MPDZ: variants seen among roughly 807,000 people sequenced by gnomAD.
MPDZ encodes multiple PDZ domain crumbs cell polarity complex component.
In MPDZ, 234 loss-of-function variants were observed where a neutral mutation model predicts 239.1. The ratio of observed to expected loss-of-function variants is 0.98; its 90% confidence interval spans 0.88 to 1.09. The LOEUF (loss-of-function observed/expected upper bound fraction) is 1.09. Ranked by LOEUF, MPDZ falls within the 50% of genes least tolerant of loss-of-function variation. The pLI is 0.00. For synonymous variants in MPDZ, 1,048 were observed against 881.3 expected (o/e 1.19, Z -3.35); for missense variants, 3,175 against 2,510.0 (o/e 1.26, Z -5.66).
chr9:13,245,773 C>A (rs548175994), intron 3 of MPDZ, among the ~76,000 whole-genome samples: 1 of 152,238 alleles, frequency 6.6e-6, no homozygotes, highest in African/African-American at 2.4e-5. Context: ...ACGTGGGACC[C>A]AAATAGTCTC....
chr9:13,277,634 G>A (rs527739627), intron 1 of MPDZ, among the ~76,000 whole-genome samples: 1 of 152,144 alleles, frequency 6.6e-6, no homozygotes, highest in African/African-American at 2.4e-5. Context: ...GCGCGATCTC[G>A]GCTCAATGCA....
intron 4 of MPDZ, 35 bp downstream of exon 4, chr9:13,224,339 G>T: frequency 1.3e-6 from 2 of 1,492,508 alleles, no homozygotes; most frequent in South Asian, 1.2e-5. Context: ...ATTACTACAG[G>T]TATTACAATA....
chr9:13,218,882 T>C (rs1254648936), intron 8 of MPDZ, among the ~76,000 whole-genome samples: 23 of 151,920 alleles, frequency 1.5e-4, no homozygotes, highest in Admixed American at 1.4e-3. Flanking sequence ...TACTTTCCAA[T>C]AATTTTGAAA....
chr9:13,143,357 T>C (rs1947979305), intron 27 of MPDZ, 109 bp downstream of exon 27: 5 of 834,470 alleles, frequency 6.0e-6, no homozygotes, highest in Non-Finnish European at 7.7e-6. Flanking sequence ...TGTTTTTTTT[T>C]CCCTGCCCAA....
intron 19 of MPDZ, among the ~76,000 whole-genome samples, chr9:13,176,668 C>A (rs892433267): frequency 6.6e-6 from 1 of 151,894 alleles, no homozygotes; most frequent in African/African-American, 2.4e-5. Flanking sequence ...TATACTTGTA[C>A]AAGATACTGT....
At chr9:13,201,394 G>GATC (rs908424744) in intron 12 of MPDZ, among the ~76,000 whole-genome samples, 4 of 151,644 alleles carry the variant, frequency 2.6e-5, no homozygotes, top group Admixed American at 6.6e-5. Context: ...GATGTGCCTT[G>GATC]GGGATTTCCT....
chr9:13,209,024 G>T (rs1310590902), intron 10 of MPDZ, among the ~76,000 whole-genome samples: 2 of 152,108 alleles, frequency 1.3e-5, no homozygotes, highest in African/African-American at 4.8e-5. Flanking sequence ...ACTAGAAATG[G>T]TCTGCGCATG....
chr9:13,268,161 T>C (rs1206548277), intron 1 of MPDZ, among the ~76,000 whole-genome samples: 1 of 150,654 alleles, frequency 6.6e-6, no homozygotes, highest in East Asian at 1.9e-4. Context: ...ATTATATATA[T>C]ATATATATAC....
intron 38 of MPDZ, 130 bp downstream of exon 38, chr9:13,121,608 AG>A: frequency 2.3e-6 from 2 of 876,286 alleles, no homozygotes; most frequent in Non-Finnish European, 3.6e-6. Flanking sequence ...TTCCTTAGTG[AG>A]GGGGCTAACA....
chr9:13,196,682 C>G (rs994874890), intron 12 of MPDZ, among the ~76,000 whole-genome samples: 1 of 151,774 alleles, frequency 6.6e-6, no homozygotes, highest in African/African-American at 2.4e-5. Context: ...ATATGTAACT[C>G]CATATATGAG....
chr9:13,133,883 A>T lies in MPDZ; in HGVS notation c.4405T>A (p.Ser1469Thr), dbSNP rs1946372110. 4 of 1,593,248 alleles carry T rather than the reference A, an allele frequency of 2.5e-6. No individual in the cohort carries two copies. In the South Asian group the frequency reaches 4.6e-5, roughly 18 times the overall value. The change falls in exon 32 of 47, where the codon TCT (serine) becomes ACT (threonine). Residue 1469 changes from serine to threonine, a missense_variant. Ser to Thr is a moderately conservative substitution (Grantham distance 58). Transcript: ENST00000319217. ...GAACTGAGGTCCACAGCTGCATCAG[A>T]AGTAGTAACAGTTGGCTCTGTCTGA... ...NKETEPTVTTSDAAVDLSSFK... is the reference protein window; with the variant it reads ...NKETEPTVTTTDAAVDLSSFK...
At chr9:13,241,324 G>T (rs1359098244) in intron 3 of MPDZ, among the ~76,000 whole-genome samples, 2 of 152,102 alleles carry the variant, frequency 1.3e-5, no homozygotes, top group Non-Finnish European at 2.9e-5. Flanking sequence ...ACTATTTCAG[G>T]TGTAAGAAAG....
intron 32 of MPDZ, among the ~76,000 whole-genome samples, chr9:13,128,086 C>T (rs529975216): frequency 2.6e-5 from 4 of 152,260 alleles, no homozygotes; most frequent in Admixed American, 2.0e-4. Context: ...CCTCTCTCTC[C>T]TCCACCTCCA....
chr9:13,120,501 T>C (rs1030805281), intron 38 of MPDZ: 5 of 152,284 alleles, frequency 3.3e-5, no homozygotes, highest in Admixed American at 6.5e-5. Context: ...CCACATCCTA[T>C]AGTAGCCATG....
chr9:13,185,128 C>A (rs1953918781), intron 18 of MPDZ, among the ~76,000 whole-genome samples: 1 of 152,004 alleles, frequency 6.6e-6, no homozygotes, highest in African/African-American at 2.4e-5. Context: ...ATATACTAAG[C>A]TATCTAGTTT....
chr9:13,136,011 G>C (rs1165443579), intron 31 of MPDZ, 81 bp downstream of exon 31: 4 of 922,192 alleles, frequency 4.3e-6, no homozygotes, highest in East Asian at 2.6e-5. Flanking sequence ...CCCTCTCTAA[G>C]TGTTATGTAA....
intron 28 of MPDZ, among the ~76,000 whole-genome samples, chr9:13,138,666 T>C (rs74455568): frequency 0.014 from 2,107 of 152,308 alleles, 31 homozygotes; most frequent in Middle Eastern, 0.051. Context: ...CAACTTGATA[T>C]ATGTAACCCA....
At chr9:13,234,797 G>C (rs1470996055) in intron 3 of MPDZ, among the ~76,000 whole-genome samples, 1 of 132,666 alleles carries the variant, frequency 7.5e-6, no homozygotes, top group African/African-American at 2.8e-5. Context: ...TGTAACAGAC[G>C]CACCTCTTAG....
rs1587870028 is a variant in MPDZ, at chr9:13,216,766, T to C, written c.1290+8A>G. 1.3e-6 allele frequency: 2 copies of C among 1,585,194 alleles called. No homozygotes were observed. The highest frequency in any genetic ancestry group is 8.6e-7 in the Non-Finnish European group (1 of 1,156,882). ...ATTAACAAAGCTATTGTTAAATGTG[T>C]AACTTACTGCTATAATTTGGTCTCC... is the stretch of plus-strand genomic sequence containing the variant. On this transcript the variant is annotated splice_region_variant and intron_variant, in intron 10 of 46. Transcript: ENST00000319217.
Sources: gnomAD v4.1 joint callset for allele counts (sites outside exome capture counted in the v4.1 genomes callset) on GRCh38, gnomAD v4.1.1 for gene constraint, MANE v1.5 for transcripts, NCBI Gene and HGNC (gene_info 2026-07-23, HGNC 2026-07-21) for gene names.